The following TRAF3 variants were observed in gnomAD, a reference collection of about 807,000 sequenced individuals.
TRAF3 encodes TNF receptor-associated factor 3.
In TRAF3, 13 loss-of-function variants were observed where a neutral mutation model predicts 62.3. The ratio of observed to expected loss-of-function variants is 0.21; its 90% confidence interval spans 0.14 to 0.33. The LOEUF is 0.33. TRAF3 is among the 10% of genes least tolerant of loss of function. The pLI, the probability that TRAF3 is intolerant of heterozygous loss-of-function variation, is 1.00. For missense variants in TRAF3, 440 were observed against 741.8 expected, an observed-to-expected ratio of 0.59 and a Z score of 4.73; for synonymous variants, 269 against 283.4, an observed-to-expected ratio of 0.95 and a Z score of 0.51.
chr14:102,903,299 G>C lies in TRAF3; in HGVS notation c.1005G>C (p.Lys335Asn). Residue 335 changes from lysine (K) to asparagine (N), a missense_variant, in exon 11 of 12, where the codon AAG becomes AAC. Lys to Asn is a moderately conservative substitution (Grantham distance 94, BLOSUM62 0). Transcript: ENST00000392745. The surrounding 1 kb of genome is among the most constrained non-coding windows in gnomAD (Gnocchi z 6.4). ...SQAEKLKELD[K>N]EIRPFRQNWE... ...CAGAGAAACTGAAGGAGCTTGACAA[G>C]GAGATCCGGCCCTTCCGGCAGAACT... 1 of 1,614,244 alleles carries C rather than the reference G, an allele frequency of 6.2e-7. No homozygotes were observed. Among genetic ancestry groups the C allele is most frequent in the Non-Finnish European group, 8.5e-7 (1 of 1,180,034 alleles).
At chr14:102,900,179 G>GAAAAAAAAAAAAAA (rs1566807952) in intron 10 of TRAF3, among the ~76,000 whole-genome samples, 1 of 83,768 alleles carries the variant, frequency 1.2e-5, no homozygotes, top group Admixed American at 1.5e-4. Context: ...ACTCCGTCTC[G>GAAAAAAAAAAAAAA]GAAAAAAAAA....
intron 3 of TRAF3, among the ~76,000 whole-genome samples, chr14:102,871,110 T>G (rs1888317115): frequency 6.6e-6 from 1 of 152,218 alleles, no homozygotes; most frequent in Non-Finnish European, 1.5e-5. Context: ...TCTTGGCCAC[T>G]GCCGTCAGGG....
intron 2 of TRAF3, among the ~76,000 whole-genome samples, chr14:102,852,260 C>T (rs113307322): frequency 2.3e-4 from 35 of 152,108 alleles, no homozygotes; most frequent in African/African-American, 6.0e-4. Flanking sequence ...CTGCCATGCC[C>T]GACAACCACC....
intron 6 of TRAF3, 99 bp from the exon 7 acceptor site, chr14:102,886,090 G>T: frequency 1.9e-6 from 2 of 1,045,684 alleles, no homozygotes; most frequent in South Asian, 2.6e-5. Context: ...GACAGCGATG[G>T]TGAGCAGAGC....
Position 102,905,883 on chromosome 14 carries a change from G to A in TRAF3, c.*99G>A. 2 of 1,143,426 alleles carry A rather than the reference G, an allele frequency of 1.7e-6. No homozygotes were observed. Among genetic ancestry groups the A allele is most frequent in the Non-Finnish European group, 1.2e-6 (1 of 803,144 alleles). 70.8% of individuals were successfully genotyped at this position (1,143,426 alleles called of 1,614,324 possible). On this transcript the variant is annotated 3_prime_UTR_variant, in exon 12 of 12. Transcript: ENST00000392745. ...GTCCTCGCGCTCAGAAAAGGACCTT[G>A]TGAGACGGAGGAAGCGGCAGAAGGC...
chr14:102,839,210 CTTTTTTTTTTTTTTTTTTTT>C (rs56998347), intron 2 of TRAF3, among the ~76,000 whole-genome samples: 1 of 89,836 alleles, frequency 1.1e-5, no homozygotes, highest in Admixed American at 1.2e-4. Context: ...GTTGATTTGC[CTTTTTTTTTTTTTTTTTTTT>C]TTTTTTTTGA....
chr14:102,823,315 C>G (rs1420453697), intron 1 of TRAF3, among the ~76,000 whole-genome samples: 1 of 152,100 alleles, frequency 6.6e-6, no homozygotes, highest in Non-Finnish European at 1.5e-5. Context: ...CTTAAAGATT[C>G]AGGTATTATT....
intron 1 of TRAF3, among the ~76,000 whole-genome samples, chr14:102,777,933 G>A (rs1897093104): frequency 6.7e-6 from 1 of 149,762 alleles, no homozygotes; most frequent in African/African-American, 2.4e-5. Flanking sequence ...GGCCGGGCTC[G>A]GGGCCCGAGG....
intron 2 of TRAF3, among the ~76,000 whole-genome samples, chr14:102,853,440 C>T (rs771800960): frequency 1.3e-5 from 2 of 151,760 alleles, no homozygotes; most frequent in East Asian, 1.9e-4. Context: ...TTTTACCCCA[C>T]GAAAAAAATT....
intron 1 of TRAF3, among the ~76,000 whole-genome samples, chr14:102,827,437 T>A (rs1020372135): frequency 2.0e-5 from 3 of 152,246 alleles, no homozygotes; most frequent in Non-Finnish European, 4.4e-5. Context: ...GACTTAAGTG[T>A]AAACACAAAA....
chr14:102,847,502 A>C (rs971719864), intron 2 of TRAF3, among the ~76,000 whole-genome samples: 6 of 152,172 alleles, frequency 3.9e-5, no homozygotes, highest in African/African-American at 1.4e-4. Context: ...AAGCTCTAAA[A>C]ATTTTCCAGG....
intron 9 of TRAF3, among the ~76,000 whole-genome samples, chr14:102,894,318 C>G (rs1889888530): frequency 6.6e-6 from 1 of 151,878 alleles, no homozygotes; most frequent in Non-Finnish European, 1.5e-5. Context: ...CAGAGTGAGA[C>G]TCGTCTCCAA....
chr14:102,808,747 A>G (rs1350937137), intron 1 of TRAF3, among the ~76,000 whole-genome samples: 28 of 152,156 alleles, frequency 1.8e-4, no homozygotes, highest in Admixed American at 1.8e-3. Context: ...TCTGAGTCGA[A>G]TGACCAATGG....
At chr14:102,867,126 G>A (rs1198292320) in intron 2 of TRAF3, among the ~76,000 whole-genome samples, 1 of 152,154 alleles carries the variant, frequency 6.6e-6, no homozygotes, top group Non-Finnish European at 1.5e-5. Context: ...GCTTTGGAGA[G>A]CAGTTTGGCA....
At chr14:102,791,931 G>T (rs897975029) in intron 1 of TRAF3, among the ~76,000 whole-genome samples, 31 of 151,536 alleles carry the variant, frequency 2.0e-4, no homozygotes, top group Non-Finnish European at 4.1e-4. Context: ...TCTCACCTCA[G>T]CCTCCTGAGT....
At chr14:102,830,950 G>A (rs1900644830) in intron 2 of TRAF3, among the ~76,000 whole-genome samples, 1 of 152,140 alleles carries the variant, frequency 6.6e-6, no homozygotes, top group Admixed American at 6.5e-5. Flanking sequence ...TAAGAGGTTC[G>A]GCTTACAAGG....
intron 1 of TRAF3, among the ~76,000 whole-genome samples, chr14:102,797,587 A>G (rs946988197): frequency 1.3e-5 from 2 of 152,190 alleles, no homozygotes; most frequent in Non-Finnish European, 2.9e-5. Context: ...TTGTGACCTT[A>G]GGCAAATCAT....
chr14:102,890,350 G>A (rs1889640055), intron 8 of TRAF3, among the ~76,000 whole-genome samples: 1 of 152,194 alleles, frequency 6.6e-6, no homozygotes, highest in Non-Finnish European at 1.5e-5. Flanking sequence ...ATTTTATGTA[G>A]CACCAATACA....
chr14:102,812,137 C>T (rs959122415), intron 1 of TRAF3, among the ~76,000 whole-genome samples: 4 of 151,728 alleles, frequency 2.6e-5, no homozygotes, highest in African/African-American at 9.7e-5. Context: ...CTGTCTAGCT[C>T]TCTCCCCATT....
Sources: gnomAD v4.1 joint callset for allele counts (sites outside exome capture counted in the v4.1 genomes callset) on GRCh38, gnomAD v4.1.1 for gene constraint, Gnocchi (gnomAD v3.1) non-coding constraint, MANE v1.5 for transcripts, NCBI Gene and HGNC (gene_info 2026-07-23, HGNC 2026-07-21) for gene names.